Variants in TENM2 observed in about 807,000 individuals in gnomAD.
The protein encoded by TENM2 is teneurin-2.
In TENM2, 52 loss-of-function variants were observed where a neutral mutation model predicts 245.2. The ratio of observed to expected loss-of-function variants is 0.21; its 90% CI spans 0.17 to 0.27. The LOEUF is 0.27. Ranked by LOEUF, TENM2 falls within the 10% of genes least tolerant of loss-of-function variation. The pLI, the probability that TENM2 is intolerant of heterozygous loss-of-function variation, is 1.00. For missense variants in TENM2, 3,046 were observed against 3,666.8 expected (o/e 0.83, Z 4.37); for synonymous variants, 1,363 against 1,438.9 (o/e 0.95, Z 1.19).
At chr5:167,549,006 A>T (rs1379320751) in intron 2 of TENM2, among the ~76,000 whole-genome samples, 2 of 152,196 alleles carry the variant, frequency 1.3e-5, no homozygotes, top group East Asian at 1.9e-4. Context: ...CAATAGCAGA[A>T]TTCTCCTTCT....
chr5:167,672,912 CA>C (rs35274077), intron 2 of TENM2, among the ~76,000 whole-genome samples: 46,545 of 110,798 alleles, frequency 0.42, 10,073 homozygotes, highest in East Asian at 0.89. Context: ...TCAGGCAAAG[CA>C]AAAAAAAAAA....
intron 2 of TENM2, among the ~76,000 whole-genome samples, chr5:167,608,265 G>A (rs1173845761): frequency 6.6e-6 from 1 of 152,188 alleles, no homozygotes; most frequent in Non-Finnish European, 1.5e-5. Context: ...AGTTTTTGGT[G>A]CTCAGAGATG....
At chr5:167,443,886 A>C (rs139130402) in intron 2 of TENM2, among the ~76,000 whole-genome samples, 1,542 of 152,226 alleles carry the variant, frequency 0.01, 26 homozygotes, top group Middle Eastern at 0.048. Context: ...GGATTTTTGT[A>C]GTGTTTAATT....
At chr5:168,163,441 A>C (rs1378955066) in intron 13 of TENM2, among the ~76,000 whole-genome samples, 3 of 152,228 alleles carry the variant, frequency 2.0e-5, no homozygotes, top group Admixed American at 6.5e-5. Context: ...GATGTTTATA[A>C]ATTTTTAAAC....
chr5:167,370,694 A>G (rs1760364288), intron 1 of TENM2, among the ~76,000 whole-genome samples: 1 of 152,256 alleles, frequency 6.6e-6, no homozygotes, highest in South Asian at 2.1e-4. Flanking sequence ...CACATCATCT[A>G]TATGCACTTT....
chr5:167,541,407 A>G (rs1402496798), intron 2 of TENM2, among the ~76,000 whole-genome samples: 1 of 152,166 alleles, frequency 6.6e-6, no homozygotes, highest in Non-Finnish European at 1.5e-5. Context: ...TTTATAAGTA[A>G]AAAAGAAAAT....
chr5:167,492,002 T>C (rs148138316), intron 2 of TENM2, among the ~76,000 whole-genome samples: 1 of 152,274 alleles, frequency 6.6e-6, no homozygotes, highest in African/African-American at 2.4e-5. Context: ...GAGGAACGCT[T>C]TTTCAATTTT....
chr5:167,707,428 T>A (rs1440096423), intron 2 of TENM2, among the ~76,000 whole-genome samples: 1 of 152,210 alleles, frequency 6.6e-6, no homozygotes, highest in Non-Finnish European at 1.5e-5. Context: ...CTGATATAAT[T>A]TGACTTATCT....
chr5:167,627,407 G>T (rs1465114778), intron 2 of TENM2, among the ~76,000 whole-genome samples: 1 of 151,528 alleles, frequency 6.6e-6, no homozygotes, highest in East Asian at 1.9e-4. Context: ...ATATTAAACT[G>T]CAGAAAAAGA....
intron 3 of TENM2, among the ~76,000 whole-genome samples, chr5:167,910,657 T>C (rs1305321307): frequency 6.6e-6 from 1 of 152,230 alleles, no homozygotes; most frequent in African/African-American, 2.4e-5. Flanking sequence ...AACTAACCTT[T>C]ATACTACAGT....
chr5:168,223,658 G>A (rs1320870824), intron 23 of TENM2, among the ~76,000 whole-genome samples: 1 of 151,790 alleles, frequency 6.6e-6, no homozygotes, highest in Non-Finnish European at 1.5e-5. Flanking sequence ...GTAGAGACAG[G>A]GTTTCACCAT....
intron 2 of TENM2, among the ~76,000 whole-genome samples, chr5:167,586,098 G>C (rs886086530): frequency 3.3e-5 from 5 of 152,170 alleles, no homozygotes; most frequent in African/African-American, 1.2e-4. Flanking sequence ...CTGGGTGACA[G>C]AGCGAGACTG....
the TENM2 span, among the ~76,000 whole-genome samples, chr5:167,010,929 C>A: frequency 6.6e-6 from 1 of 152,046 alleles, no homozygotes; most frequent in Admixed American, 6.6e-5. Context: ...AATATTACAC[C>A]GTTTATAGCC....
At chr5:167,764,206 T>C (rs1762857979) in intron 2 of TENM2, among the ~76,000 whole-genome samples, 1 of 152,146 alleles carries the variant, frequency 6.6e-6, no homozygotes, top group Admixed American at 6.5e-5. Context: ...TATACCCCAA[T>C]TTTAAGCTAC....
chr5:167,053,711 T>C, the TENM2 span, among the ~76,000 whole-genome samples: 2 of 152,106 alleles, frequency 1.3e-5, no homozygotes, highest in Non-Finnish European at 2.9e-5. Flanking sequence ...AATTTAAAAA[T>C]TAAACCAACC....
chr5:167,838,147 G>A (rs970203789), intron 2 of TENM2, among the ~76,000 whole-genome samples: 3 of 152,230 alleles, frequency 2.0e-5, no homozygotes, highest in Admixed American at 6.5e-5. Flanking sequence ...GTATAATGAC[G>A]AGGAATCTGA....
At chr5:166,979,194 C>CAGCAGCAGCAGCAGCAGCAG in the TENM2 span, among the ~76,000 whole-genome samples, 113 of 142,128 alleles carry the variant, frequency 8.0e-4, no homozygotes, top group Middle Eastern at 3.6e-3. Context: ...AGCACCACCA[C>CAGCAGCAGCAGCAGCAGCAG]CAGCAGCAGC....
chr5:167,308,810 A>G (rs1480204957), intron 1 of TENM2, among the ~76,000 whole-genome samples: 1 of 152,208 alleles, frequency 6.6e-6, no homozygotes, highest in East Asian at 1.9e-4. Flanking sequence ...AATTGAGACC[A>G]CAGTGTTTCC....
chr5:168,105,949 T>C (rs890767012), intron 9 of TENM2, among the ~76,000 whole-genome samples: 1 of 152,224 alleles, frequency 6.6e-6, no homozygotes, highest in African/African-American at 2.4e-5. Context: ...CTTCCTCGGA[T>C]TGTTTGTAAA....
Sources: allele counts gnomAD v4.1 joint callset (sites outside exome capture counted in the v4.1 genomes callset), GRCh38; gene constraint gnomAD v4.1.1; transcripts MANE v1.5; gene names NCBI Gene and HGNC (gene_info 2026-07-23, HGNC 2026-07-21).